ROBO2: variants seen among roughly 807,000 people sequenced by gnomAD.
The protein encoded by ROBO2 is roundabout homolog 2.
A neutral mutation model predicts 160.8 loss-of-function variants in ROBO2; 53 were observed. The ratio of observed to expected loss-of-function variants is 0.33; its 90% confidence interval spans 0.26 to 0.41. The LOEUF (loss-of-function observed/expected upper bound fraction) is 0.41, where lower values mean the gene tolerates loss of function less well. Ranked by LOEUF, ROBO2 falls within the 10% of genes least tolerant of loss-of-function variation. The pLI is 1.00. For synonymous variants in ROBO2, 664 were observed against 611.7 expected, an observed-to-expected ratio of 1.09 and a Z score of -1.26; for missense variants, 1,577 against 1,722.4, an observed-to-expected ratio of 0.92 and a Z score of 1.49.
At chr3:77,441,694 A>G (rs980447888) in intron 2 of ROBO2, among the ~76,000 whole-genome samples, 12 of 152,152 alleles carry the variant, frequency 7.9e-5, no homozygotes, top group Non-Finnish European at 1.5e-4. Context: ...TAGAAGATAA[A>G]TGTCTTTAGT....
chr3:75,943,847 T>G (rs200900907), intron 2 of ROBO2, among the ~76,000 whole-genome samples: 14 of 151,822 alleles, frequency 9.2e-5, no homozygotes, highest in Admixed American at 4.6e-4. Flanking sequence ...ATTACAGGTA[T>G]GCATCACCAC....
At chr3:77,098,432 A>T (rs1474059658) in intron 2 of ROBO2, 92 bp downstream of exon 2, 4 of 1,289,942 alleles carry the variant, frequency 3.1e-6, no homozygotes, top group East Asian at 2.4e-5. Flanking sequence ...AAACCTAAAG[A>T]ATCAATCAAC....
At chr3:77,314,187 AATCTAG>A (rs1560511695) in intron 2 of ROBO2, among the ~76,000 whole-genome samples, 1 of 152,190 alleles carries the variant, frequency 6.6e-6, no homozygotes, top group Non-Finnish European at 1.5e-5. Context: ...GTCAGAAGGC[AATCTAG>A]CTATGTTTCT....
rs1194553798 is a variant in ROBO2, at chr3:76,892,199, G to C, written c.110-205815G>C. 6.1e-4 allele frequency among the ~76,000 whole-genome samples: 93 copies of C among 151,968 alleles called. 1 individual carries two copies. Among genetic ancestry groups the C allele is most frequent in the Non-Finnish European group, 2.4e-4 (16 of 68,034 alleles). On this transcript the variant is annotated intron_variant, in intron 2 of 26. Transcript: ENST00000487694. ...GAATTCTGTGTCACTCAGTGGTTCC[G>C]TCTCCCCGTGGCTGTATGGAGGTCA... is the stretch of plus-strand genomic sequence containing the variant.
At chr3:76,607,702 T>A (rs1182529243) in intron 2 of ROBO2, among the ~76,000 whole-genome samples, 1 of 152,344 alleles carries the variant, frequency 6.6e-6, no homozygotes, top group Non-Finnish European at 1.5e-5. Flanking sequence ...TTTGTGTTTT[T>A]GACATTCACT....
chr3:77,062,946 G>A (rs2066467674), intron 1 of ROBO2, among the ~76,000 whole-genome samples: 1 of 152,040 alleles, frequency 6.6e-6, no homozygotes, highest in South Asian at 2.1e-4. Flanking sequence ...TGGCCTCCCA[G>A]TTACATTTTT....
chr3:76,300,639 A>AT (rs1709308531), intron 2 of ROBO2, among the ~76,000 whole-genome samples: 12 of 150,338 alleles, frequency 8.0e-5, no homozygotes, highest in African/African-American at 2.7e-4. Flanking sequence ...TATATATATA[A>AT]ATATAGCAAT....
chr3:76,491,013 G>A (rs1313424428), intron 2 of ROBO2, among the ~76,000 whole-genome samples: 1 of 151,786 alleles, frequency 6.6e-6, no homozygotes. Flanking sequence ...AGGCTGGAGT[G>A]CAGTGGTGCG....
chr3:77,058,159 A>G (rs1166479291), intron 1 of ROBO2, among the ~76,000 whole-genome samples: 3 of 152,190 alleles, frequency 2.0e-5, no homozygotes, highest in Non-Finnish European at 4.4e-5. Flanking sequence ...TCTTTCACTA[A>G]GCTTCCAAGT....
chr3:77,194,447 T>C (rs1203280303), intron 2 of ROBO2, among the ~76,000 whole-genome samples: 1 of 152,202 alleles, frequency 6.6e-6, no homozygotes, highest in Non-Finnish European at 1.5e-5. Context: ...TCAGACTCCT[T>C]CTTACATTAA....
chr3:77,268,803 C>T (rs113434908), intron 2 of ROBO2, among the ~76,000 whole-genome samples: 3,701 of 152,244 alleles, frequency 0.024, 52 homozygotes, highest in Middle Eastern at 0.041. Flanking sequence ...CTGGGCATGG[C>T]TCTTGGTAGA....
At chr3:77,326,609 C>T (rs2153437156) in intron 2 of ROBO2, among the ~76,000 whole-genome samples, 1 of 152,094 alleles carries the variant, frequency 6.6e-6, no homozygotes, top group Non-Finnish European at 1.5e-5. Context: ...TAGAATGTGT[C>T]TTTGTATGTG....
intron 2 of ROBO2, among the ~76,000 whole-genome samples, chr3:75,962,806 G>A (rs545595017): frequency 6.6e-6 from 1 of 151,914 alleles, no homozygotes; most frequent in South Asian, 2.1e-4. Context: ...TATTTAAGCT[G>A]CCAGACAGAT....
intron 2 of ROBO2, among the ~76,000 whole-genome samples, chr3:77,213,194 T>C (rs1398579710): frequency 3.3e-5 from 5 of 152,194 alleles, no homozygotes; most frequent in Non-Finnish European, 7.3e-5. Context: ...TGGCTGTGAA[T>C]CCATCTGGTT....
intron 2 of ROBO2, among the ~76,000 whole-genome samples, chr3:77,031,420 T>G (rs2063313812): frequency 6.7e-6 from 1 of 148,552 alleles, no homozygotes; most frequent in Non-Finnish European, 1.5e-5. Flanking sequence ...ATACAGTGCA[T>G]AAGCATATAC....
intron 2 of ROBO2, among the ~76,000 whole-genome samples, chr3:76,100,355 T>C (rs1329209464): frequency 6.6e-6 from 1 of 152,198 alleles, no homozygotes; most frequent in South Asian, 2.1e-4. Flanking sequence ...AACCAACCAA[T>C]GTCTATGTGG....
chr3:76,835,504 A>C (rs1576945021), intron 2 of ROBO2, among the ~76,000 whole-genome samples: 1 of 150,338 alleles, frequency 6.7e-6, no homozygotes, highest in East Asian at 2.0e-4. Flanking sequence ...ATAGGCAAAG[A>C]CTAATAGATG....
Position 76,490,693 on chromosome 3 carries a change from G to A in ROBO2, c.109+553091G>A, listed in dbSNP as rs1213810325. On this transcript the variant is annotated intron_variant, in intron 2 of 26. Coordinates refer to the ROBO2 transcript ENST00000487694. ...TAAAAAAATGCAACCCCAAACTTGA[G>A]AAAATCTCAGAATGAGGACCACAGA... Among the ~76,000 whole-genome samples, 3 of 152,020 alleles carry A rather than the reference G, an allele frequency of 2.0e-5. No homozygotes were observed. The East Asian group carries it at 5.8e-4, about 29-fold the overall frequency.
At chr3:77,230,550 T>C (rs2087046545) in intron 2 of ROBO2, among the ~76,000 whole-genome samples, 3 of 152,236 alleles carry the variant, frequency 2.0e-5, no homozygotes, top group African/African-American at 7.2e-5. Context: ...GAATTGGACA[T>C]ATGTATTCGC....
Sources: allele counts gnomAD v4.1 joint callset (sites outside exome capture counted in the v4.1 genomes callset), GRCh38; gene constraint gnomAD v4.1.1; transcripts MANE v1.5; gene names NCBI Gene and HGNC (gene_info 2026-07-23, HGNC 2026-07-21).